Variants in WWOX observed in about 807,000 individuals in gnomAD.
The protein encoded by WWOX is WW domain-containing oxidoreductase.
In WWOX, 69 loss-of-function variants were observed where a neutral mutation model predicts 46.2. That is an observed-to-expected ratio of 1.49 (90% CI 1.23 to 1.82). The LOEUF is 1.82. Among genes scored for constraint, WWOX ranks in the 40% most tolerant of loss-of-function variants. WWOX has a pLI of 0.00. For missense variants in WWOX, 919 were observed against 542.6 expected (o/e 1.69, Z -6.89); for synonymous variants, 359 against 202.6 (o/e 1.77, Z -6.56).
In WWOX at chr16:79,087,799, A is replaced by G. The variant is rs1461514919; in HGVS notation, c.1057-123809A>G. ...AGTACGTTCTCTTGGTTGCGAGGAAATCACTGAAGCCACCTCACGTAATGT... is the reference window on the plus strand; with the variant it reads ...AGTACGTTCTCTTGGTTGCGAGGAAGTCACTGAAGCCACCTCACGTAATGT... On this transcript the variant is annotated intron_variant, in intron 8 of 8. Coordinates refer to ENST00000566780, the MANE Select transcript of WWOX (RefSeq NM_016373.4). Among the ~76,000 whole-genome samples, 3 of 152,170 alleles carry G rather than the reference A, an allele frequency of 2.0e-5. No individual in the cohort carries two copies. The South Asian group carries it at 6.2e-4, about 31-fold the overall frequency.
intron 8 of WWOX, chr16:78,552,819 T>C (rs1354314522): frequency 6.6e-6 from 1 of 152,262 alleles, no homozygotes; most frequent in Admixed American, 6.5e-5. Context: ...TAACAGGTTT[T>C]ATTCTTATTG....
At chr16:79,180,464 G>A (rs186179838) in intron 8 of WWOX, among the ~76,000 whole-genome samples, 1 of 152,154 alleles carries the variant, frequency 6.6e-6, no homozygotes, top group African/African-American at 2.4e-5. Context: ...GGTGGTGATG[G>A]TGCTGCCTCT....
chr16:78,099,824 G>C lies in WWOX; in HGVS notation c.46G>C (p.Asp16His). The change falls in exon 1 of 9, where the codon GAC (aspartate) becomes CAC (histidine). Residue 16 changes from aspartate to histidine, a missense_variant. Transcript: ENST00000566780. ...GGGGCTGGACGACACGGACAGTGAGGACGAGCTGCCTCCGGGCTGGGAGGA... is the reference window on the plus strand; with the variant it reads ...GGGGCTGGACGACACGGACAGTGAGCACGAGCTGCCTCCGGGCTGGGAGGA... Reference protein sequence around the residue: ...YAGLDDTDSEDELPPGWEERT... With the variant: ...YAGLDDTDSEHELPPGWEERT... The C allele has an allele frequency of 6.3e-7, 1 of 1,580,992 alleles. No homozygotes were observed. The highest frequency in any genetic ancestry group is 8.6e-7 in the Non-Finnish European group (1 of 1,164,632).
chr16:79,026,551 C>G (rs1304982714), intron 8 of WWOX, among the ~76,000 whole-genome samples: 1 of 151,132 alleles, frequency 6.6e-6, no homozygotes, highest in African/African-American at 2.5e-5. Flanking sequence ...AAGAATCATG[C>G]CTGCTTTTCT....
chr16:79,056,139 A>G (rs1308351568), intron 8 of WWOX, among the ~76,000 whole-genome samples: 4 of 151,938 alleles, frequency 2.6e-5, no homozygotes, highest in African/African-American at 7.3e-5. Context: ...AAAACCAGCC[A>G]TCAGCACCTC....
chr16:78,825,809 T>C (rs1056255626), intron 8 of WWOX: 3 of 594,534 alleles, frequency 5.0e-6, no homozygotes, highest in African/African-American at 3.7e-5. Flanking sequence ...GCTGCTCAGA[T>C]AGGGTTTTCT....
At chr16:78,437,119 G>A (rs983612594) in intron 8 of WWOX, among the ~76,000 whole-genome samples, 1 of 152,206 alleles carries the variant, frequency 6.6e-6, no homozygotes, top group Non-Finnish European at 1.5e-5. Flanking sequence ...GGTCAGGGGA[G>A]CAAGAAATAC....
intron 8 of WWOX, among the ~76,000 whole-genome samples, chr16:78,678,432 G>A (rs1209106594): frequency 6.6e-6 from 1 of 152,096 alleles, no homozygotes; most frequent in Non-Finnish European, 1.5e-5. Context: ...TTTTAGTTTG[G>A]CCTCAATCTT....
At chr16:78,594,335 C>G (rs1193310653) in intron 8 of WWOX, among the ~76,000 whole-genome samples, 1 of 150,376 alleles carries the variant, frequency 6.6e-6, no homozygotes, top group Non-Finnish European at 1.5e-5. Context: ...TCTCCAGCAG[C>G]AAAACCCAAT....
At chr16:79,183,434 G>C (rs1211520639) in intron 8 of WWOX, among the ~76,000 whole-genome samples, 1 of 152,204 alleles carries the variant, frequency 6.6e-6, no homozygotes, top group African/African-American at 2.4e-5. Flanking sequence ...CCTGTGAGCA[G>C]ACATAAAAGC....
chr16:79,104,104 C>G (rs553821865), intron 8 of WWOX, among the ~76,000 whole-genome samples: 75 of 120,174 alleles, frequency 6.2e-4, no homozygotes, highest in African/African-American at 2.1e-3. Context: ...AACAATTTTT[C>G]TTTTTCAGCC....
intron 5 of WWOX, among the ~76,000 whole-genome samples, chr16:78,252,589 A>G (rs558931815): frequency 1.3e-5 from 2 of 152,196 alleles, no homozygotes; most frequent in African/African-American, 2.4e-5. Flanking sequence ...TGTGTTGACA[A>G]TGGCCTTTAT....
At chr16:78,303,215 G>A (rs1258413711) in intron 5 of WWOX, among the ~76,000 whole-genome samples, 1 of 152,082 alleles carries the variant, frequency 6.6e-6, no homozygotes, top group African/African-American at 2.4e-5. Context: ...TCTAATTTAT[G>A]TTACTTAAGC....
At chr16:78,990,228 C>T (rs1342843356) in intron 8 of WWOX, among the ~76,000 whole-genome samples, 1 of 151,158 alleles carries the variant, frequency 6.6e-6, no homozygotes, top group Non-Finnish European at 1.5e-5. Flanking sequence ...CTCAACTGAT[C>T]AGCATCTCAG....
At chr16:78,888,305 A>G (rs1050387771) in intron 8 of WWOX, among the ~76,000 whole-genome samples, 2 of 152,210 alleles carry the variant, frequency 1.3e-5, no homozygotes, top group South Asian at 4.1e-4. Context: ...TACAGTGAGG[A>G]GAAAGCTTTC....
intron 8 of WWOX, among the ~76,000 whole-genome samples, chr16:79,096,789 T>G (rs910875579): frequency 2.0e-5 from 3 of 152,156 alleles, no homozygotes; most frequent in Admixed American, 2.0e-4. Context: ...ACCTCATAGG[T>G]GCTTAGCAAA....
At chr16:78,704,934 T>TTA (rs1439845238) in intron 8 of WWOX, among the ~76,000 whole-genome samples, 2 of 151,382 alleles carry the variant, frequency 1.3e-5, no homozygotes, top group African/African-American at 4.9e-5. Flanking sequence ...TTTTTTTTTT[T>TTA]AAAGAGGAGG....
chr16:79,116,652 A>C (rs951256909), intron 8 of WWOX, among the ~76,000 whole-genome samples: 1 of 152,188 alleles, frequency 6.6e-6, no homozygotes, highest in Non-Finnish European at 1.5e-5. Context: ...TGAGTCTTGA[A>C]GGGGCTCAAG....
chr16:78,972,572 G>C (rs919326657), intron 8 of WWOX, among the ~76,000 whole-genome samples: 7 of 151,898 alleles, frequency 4.6e-5, no homozygotes, highest in African/African-American at 1.7e-4. Context: ...GTCATCAGCA[G>C]GTGTGTAAAT....
Sources: allele counts gnomAD v4.1 joint callset (sites outside exome capture counted in the v4.1 genomes callset), GRCh38; gene constraint gnomAD v4.1.1; transcripts MANE v1.5; gene names NCBI Gene and HGNC (gene_info 2026-07-23, HGNC 2026-07-21).